Variants in C16orf96 observed in about 807,000 individuals in gnomAD.
C16orf96 encodes chromosome 16 open reading frame 96, also known as uncharacterized protein C16orf96.
Under a neutral mutation model 103.6 loss-of-function variants are expected in C16orf96, and 108 were observed. The ratio of observed to expected loss-of-function variants is 1.04; its 90% confidence interval spans 0.89 to 1.22. The LOEUF (loss-of-function observed/expected upper bound fraction) is 1.22, where lower values mean the gene tolerates loss of function less well. Ranked by LOEUF, C16orf96 falls within the 50% of genes most tolerant of loss-of-function variation. C16orf96 has a pLI of 0.00. For synonymous variants in C16orf96, 566 were observed against 593.5 expected, an observed-to-expected ratio of 0.95 and a Z score of 0.67; for missense variants, 1,586 against 1,464.2, an observed-to-expected ratio of 1.08 and a Z score of -1.36.
chr16:4,582,539 TG>T (rs1473580510), intron 7 of C16orf96, among the ~76,000 whole-genome samples: 2 of 151,818 alleles, frequency 1.3e-5, no homozygotes, highest in African/African-American at 4.8e-5. Flanking sequence ...GCCTATGAAG[TG>T]GGGGTGGACA....
Position 4,576,610 on chromosome 16 carries a change from C to T in C16orf96, c.2130C>T (p.Asn710=). Residue 710 remains asparagine, a synonymous_variant, in exon 5 of 16, where the codon AAC becomes AAT. Transcript: ENST00000444310. The part of the protein sequence containing the change: ...LKEEFAQLSC[N]LNQRLSYLAN... ...AAGAATTTGCCCAGCTGTCCTGTAA[C>T]CTGAACCAGCGCTTGAGTTATCTAG... 1.9e-6 allele frequency: 3 copies of T among 1,551,268 alleles called. No homozygotes were observed. The highest frequency in any genetic ancestry group is 2.0e-5 in the Admixed American group (1 of 50,964).
intron 7 of C16orf96, among the ~76,000 whole-genome samples, chr16:4,584,832 C>G (rs913752616): frequency 3.3e-5 from 5 of 152,096 alleles, no homozygotes; most frequent in Non-Finnish European, 7.4e-5. Flanking sequence ...CCGTGCCCAG[C>G]CAATTTTTTT....
intron 9 of C16orf96, among the ~76,000 whole-genome samples, chr16:4,588,867 G>C (rs1391247081): frequency 6.6e-6 from 1 of 152,046 alleles, no homozygotes; most frequent in Non-Finnish European, 1.5e-5. Flanking sequence ...TGGAGCTTGA[G>C]ACTCAAACCC....
intron 1 of C16orf96, 59 bp downstream of exon 1, chr16:4,556,968 G>A: frequency 6.9e-7 from 1 of 1,459,758 alleles, no homozygotes; most frequent in Non-Finnish European, 9.1e-7. Context: ...TCTCTCCTGG[G>A]ACGTCTTTTT....
At chr16:4,542,615 A>C in the C16orf96 span, among the ~76,000 whole-genome samples, 6 of 151,896 alleles carry the variant, frequency 4.0e-5, no homozygotes, top group Admixed American at 3.3e-4. Flanking sequence ...TGGCCAATAT[A>C]GTGAAACCCC....
intron 7 of C16orf96, 34 bp from the exon 8 acceptor site, chr16:4,587,005 A>G (rs1307010625): frequency 1.3e-6 from 2 of 1,539,542 alleles, no homozygotes; most frequent in Non-Finnish European, 1.8e-6. Flanking sequence ...AAGGCTCTCC[A>G]GGATGGCAGA....
chr16:4,587,939 A>G (rs1296629812), intron 8 of C16orf96, among the ~76,000 whole-genome samples: 1 of 152,166 alleles, frequency 6.6e-6, no homozygotes, highest in Non-Finnish European at 1.5e-5. Context: ...TCCTGTCTCA[A>G]AAAAACACAT....
intron 9 of C16orf96, 112 bp downstream of exon 9, chr16:4,588,443 C>G (rs1896980025): frequency 1.6e-6 from 2 of 1,253,306 alleles, no homozygotes; most frequent in South Asian, 1.6e-5. Flanking sequence ...TTGGGAGTGA[C>G]CCAGCAACTT....
the C16orf96 span, among the ~76,000 whole-genome samples, chr16:4,542,689 T>G: frequency 3.3e-5 from 5 of 151,922 alleles, no homozygotes; most frequent in African/African-American, 1.2e-4. Context: ...TCCCAGCTAC[T>G]CGGGAGGCTG....
At chr16:4,560,489 TAA>T (rs1567437653) in intron 1 of C16orf96, 4 of 151,994 alleles carry the variant, frequency 2.6e-5, no homozygotes, top group Admixed American at 6.6e-5. Context: ...CATGAGCCAC[TAA>T]GCCCGGCCAA....
At chr16:4,592,437 C>A in intron 11 of C16orf96, 70 bp downstream of exon 11, 1 of 1,507,452 alleles carries the variant, frequency 6.6e-7, no homozygotes, top group Non-Finnish European at 9.0e-7. Context: ...TCTCCGTGCA[C>A]CTCCATGTGC....
intron 5 of C16orf96, among the ~76,000 whole-genome samples, chr16:4,578,031 G>A (rs2059534569): frequency 6.6e-6 from 1 of 151,972 alleles, no homozygotes; most frequent in African/African-American, 2.4e-5. Flanking sequence ...GATTGCTTGA[G>A]CCTAGCAGTT....
intron 10 of C16orf96, 62 bp downstream of exon 10, chr16:4,591,846 C>G: frequency 7.9e-7 from 1 of 1,265,676 alleles, no homozygotes; most frequent in Non-Finnish European, 1.1e-6. Flanking sequence ...GGGGAACACA[C>G]CCTGGAAGCT....
At chr16:4,569,501 C>T (rs975571180) in intron 1 of C16orf96, among the ~76,000 whole-genome samples, 1 of 151,822 alleles carries the variant, frequency 6.6e-6, no homozygotes, top group African/African-American at 2.4e-5. Context: ...GCCTGTAATC[C>T]CAGCACTCTG....
chr16:4,597,958 C>A (rs1188458101), intron 14 of C16orf96, among the ~76,000 whole-genome samples: 9 of 152,186 alleles, frequency 5.9e-5, no homozygotes, highest in Non-Finnish European at 8.8e-5. Flanking sequence ...AAATCAGGGA[C>A]CTTCTGTATT....
At chr16:4,578,835 T>G in intron 5 of C16orf96, 105 bp from the exon 6 acceptor site, 1 of 682,200 alleles carries the variant, frequency 1.5e-6, no homozygotes. Context: ...GCATTTCCAC[T>G]GGGCAGTGCT....
At chr16:4,591,638 T>G (rs1897061355) in intron 9 of C16orf96, 28 bp from the exon 10 acceptor site, 1 of 1,521,860 alleles carries the variant, frequency 6.6e-7, no homozygotes, top group Non-Finnish European at 8.9e-7. Context: ...AGAGTATTCT[T>G]TCTTATCTTC....
intron 1 of C16orf96, among the ~76,000 whole-genome samples, chr16:4,565,110 C>A (rs2141701094): frequency 6.6e-6 from 1 of 152,222 alleles, no homozygotes; most frequent in East Asian, 1.9e-4. Flanking sequence ...TTTTTCAGGC[C>A]TCTTAAGGCC....
intron 9 of C16orf96, 76 bp from the exon 10 acceptor site, chr16:4,591,590 G>A: frequency 8.1e-7 from 1 of 1,232,590 alleles, no homozygotes. Context: ...CCAGGTTGCT[G>A]CAACCCTCTT....
Sources: gnomAD v4.1 joint callset for allele counts (sites outside exome capture counted in the v4.1 genomes callset) on GRCh38, gnomAD v4.1.1 for gene constraint, MANE v1.5 for transcripts, NCBI Gene and HGNC (gene_info 2026-07-23, HGNC 2026-07-21) for gene names.